FAM83G: variants seen among roughly 807,000 people sequenced by gnomAD.
FAM83G encodes the protein scaffolding CK1 anchoring protein G.
FAM83G carries 38 observed loss-of-function variants against 61.5 expected under a neutral mutation model. That is an observed-to-expected ratio of 0.62 (90% confidence interval 0.48 to 0.81). The LOEUF (loss-of-function observed/expected upper bound fraction) is 0.81. Ranked by LOEUF, FAM83G falls within the 30% of genes least tolerant of loss-of-function variation. The probability of loss-of-function intolerance (pLI) is 0.00; values close to 1 mark genes in which losing one functional copy is unlikely to be tolerated. For synonymous variants in FAM83G, 470 were observed against 476.1 expected (o/e 0.99, Z 0.17); for missense variants, 989 against 1,133.6 (o/e 0.87, Z 1.83).
At chr17:18,973,601 G>A (rs750222181) in intron 5 of FAM83G, among the ~76,000 whole-genome samples, 15 of 152,330 alleles carry the variant, frequency 9.8e-5, no homozygotes, top group Non-Finnish European at 1.8e-4. Context: ...GCACCTAGAG[G>A]TCTGACTCCA....
rs2152001307 is a variant in FAM83G, at chr17:18,970,918, C to T, written c.*441G>A. The T allele has an allele frequency of 8.4e-7, 1 of 1,191,106 alleles. No individual in the cohort carries two copies. Among genetic ancestry groups the T allele is most frequent in the East Asian group, 2.4e-5 (1 of 41,284 alleles). The allele number at this position is 1,191,106 out of a possible 1,614,324, so 73.8% of individuals were successfully genotyped here. The stretch of plus-strand genomic sequence containing the variant: ...TGGAAAAAACTCAAGTTTGATGCAT[C>T]AGGAAGTTTCTTGTGAGATGAAGGC... On this transcript the variant is annotated 3_prime_UTR_variant, in exon 6 of 6. Transcript: ENST00000388995.
chr17:18,979,714 C>A (rs1181470514), intron 3 of FAM83G, 41 bp from the exon 4 acceptor site: 1 of 1,609,570 alleles, frequency 6.2e-7, no homozygotes, highest in Non-Finnish European at 8.5e-7. Flanking sequence ...CGACTGCAAC[C>A]CTGACCACAC....
rs2042765767 is a variant in FAM83G at position 18,968,889 on chromosome 17, C to G, written c.*2470G>C. Reference sequence around the variant, plus strand: ...CTCCACGGCCAGGTCTTCCCCCAACCTCACAATGGCCCCGTGATGCAGGCA... The same window carrying G: ...CTCCACGGCCAGGTCTTCCCCCAACGTCACAATGGCCCCGTGATGCAGGCA... On this transcript the variant is annotated 3_prime_UTR_variant, in exon 6 of 6. Coordinates refer to ENST00000388995, the MANE Select transcript of FAM83G (RefSeq NM_001039999.3). The surrounding 1 kb of genome is among the most constrained non-coding windows in gnomAD (Gnocchi z 4.1). 1 of 626,378 alleles carries G rather than the reference C, an allele frequency of 1.6e-6. No homozygotes were observed. The highest frequency in any genetic ancestry group is 3.0e-5 in the Admixed American group (1 of 33,500). The allele number at this position is 626,378 out of a possible 1,614,324, so 38.8% of individuals were successfully genotyped here.
chr17:18,970,992 G>A lies in FAM83G; in HGVS notation c.*367C>T. 10 of 1,613,312 alleles carry A rather than the reference G, an allele frequency of 6.2e-6. No homozygotes were observed. Among genetic ancestry groups the A allele is most frequent in the Non-Finnish European group, 8.5e-6 (10 of 1,179,686 alleles). On this transcript the variant is annotated 3_prime_UTR_variant, in exon 6 of 6. Transcript: ENST00000388995. ...GCCCCGCAACCACCAAACTGTCCCTGTTCCACCCTGACCCCTCCAGCTTTT... is the reference window on the plus strand; with the variant it reads ...GCCCCGCAACCACCAAACTGTCCCTATTCCACCCTGACCCCTCCAGCTTTT...
rs549727935 is a variant in FAM83G at position 18,982,859 on chromosome 17, C to A, written c.691-3186G>T. Among the ~76,000 whole-genome samples, 6 of 152,362 alleles carry A rather than the reference C, an allele frequency of 3.9e-5. No individual in the cohort carries two copies. In the East Asian group the frequency reaches 7.7e-4, roughly 20 times the overall value. On this transcript the variant is annotated intron_variant, in intron 3 of 5. Transcript: ENST00000388995. ...AATCCTAGCACCAAATGGACGCCAA[C>A]CAAGGCCTTTCTTTCCACGCCTCAG...
chr17:18,984,439 C>T (rs897138779), intron 3 of FAM83G, among the ~76,000 whole-genome samples: 8 of 151,944 alleles, frequency 5.3e-5, no homozygotes, highest in Admixed American at 3.9e-4. Context: ...CCCCGGGGAA[C>T]GGGGGAACCT....
At position 18,978,661 on chromosome 17, in the gene FAM83G, C is replaced by T; in HGVS notation, c.1005G>A (p.Val335=). Residue 335 remains valine (V), a synonymous_variant, in exon 5 of 6, where the codon GTG becomes GTA. Transcript: ENST00000388995. ...GCTTCTTGGCCACAGTGCCCGCGGG[C>T]ACCAGGGGGACCACAGAGGGCAGCA... is the stretch of plus-strand genomic sequence containing the variant. The part of the protein sequence containing the change: ...PIVLPSVVPL[V]PAGTVAKKLV... 6.2e-7 allele frequency: 1 copy of T among 1,613,032 alleles called. No individual in the cohort carries two copies. Among genetic ancestry groups the T allele is most frequent in the Non-Finnish European group, 8.5e-7 (1 of 1,179,996 alleles).
Position 18,969,149 on chromosome 17 carries a change from C to A in FAM83G, c.*2210G>T, listed in dbSNP as rs747213031. ...ACGCTCGGCATCACAGCCCTGTACACCATCGCAGGTATGGTGCCTGCAGCA... is the reference window on the plus strand; with the variant it reads ...ACGCTCGGCATCACAGCCCTGTACAACATCGCAGGTATGGTGCCTGCAGCA... On this transcript the variant is annotated 3_prime_UTR_variant, in exon 6 of 6. Coordinates refer to ENST00000388995, the MANE Select transcript of FAM83G (RefSeq NM_001039999.3). The A allele has an allele frequency of 3.7e-6, 6 of 1,613,758 alleles. No individual in the cohort carries two copies. The African/African-American group carries it at 6.7e-5, about 18-fold the overall frequency.
Position 18,970,942 on chromosome 17 carries a change from G to T in FAM83G, c.*417C>A. 4.1e-6 allele frequency: 6 copies of T among 1,452,982 alleles called. No homozygotes were observed. Among genetic ancestry groups the T allele is most frequent in the South Asian group, 3.5e-5 (3 of 86,826 alleles). The allele number at this position is 1,452,982 out of a possible 1,614,324, so 90.0% of individuals were successfully genotyped here. On this transcript the variant is annotated 3_prime_UTR_variant, in exon 6 of 6. Coordinates refer to ENST00000388995, the MANE Select transcript of FAM83G (RefSeq NM_001039999.3). Reference sequence around the variant, plus strand: ...TCAGGAAGTTTCTTGTGAGATGAAGGCAGGGGGGAGCCCAGGGAGTCAGGG... The same window carrying T: ...TCAGGAAGTTTCTTGTGAGATGAAGTCAGGGGGGAGCCCAGGGAGTCAGGG...
At chr17:18,983,077 G>A (rs1171343218) in intron 3 of FAM83G, among the ~76,000 whole-genome samples, 2 of 152,236 alleles carry the variant, frequency 1.3e-5, no homozygotes, top group Non-Finnish European at 2.9e-5. Flanking sequence ...AGGAGGGATG[G>A]ACTGCCCAGG....
At chr17:18,984,338 A>AAG (rs1170887135) in intron 3 of FAM83G, among the ~76,000 whole-genome samples, 1 of 150,324 alleles carries the variant, frequency 6.7e-6, no homozygotes, top group African/African-American at 2.4e-5. Flanking sequence ...CTCTCAAAAA[A>AAG]AAAAAAAAAA....
At chr17:18,977,432 C>T (rs1023815166) in intron 5 of FAM83G, 152 bp downstream of exon 5, 2 of 787,156 alleles carry the variant, frequency 2.5e-6, no homozygotes, top group South Asian at 1.8e-5. Context: ...CGGTTCCCAC[C>T]CCTGCCTGTT....
intron 5 of FAM83G, chr17:18,976,967 G>A: frequency 6.2e-7 from 1 of 1,612,954 alleles, no homozygotes; most frequent in Non-Finnish European, 8.5e-7. Context: ...TGCCGGGCAT[G>A]ATCAGCCGCG....
At chr17:18,974,637 G>C (rs1451986064) in intron 5 of FAM83G, among the ~76,000 whole-genome samples, 1 of 152,190 alleles carries the variant, frequency 6.6e-6, no homozygotes, top group East Asian at 1.9e-4. Context: ...GACTCCAATG[G>C]CCACACCCCA....
At chr17:18,973,200 C>G (rs2152003910) in intron 5 of FAM83G, among the ~76,000 whole-genome samples, 1 of 152,362 alleles carries the variant, frequency 6.6e-6, no homozygotes, top group Admixed American at 6.5e-5. Flanking sequence ...CCACCTCCCA[C>G]CTCCTCCCAA....
In FAM83G at chr17:19,003,633, C is replaced by G; in HGVS notation, c.409G>C (p.Asp137His). The part of the protein sequence containing the change: ...SIPQLDLGWP[D>H]TIAYRGVTRA... ...GTCACGCCGCGGTAGGCGATGGTGT[C>G]GGGCCAGCCCAGGTCCAGCTGCGGG... is the stretch of plus-strand genomic sequence containing the variant. Residue 137 changes from aspartate (D) to histidine (H), a missense_variant, in exon 2 of 6, where the codon GAC (aspartate) becomes CAC (histidine). Physicochemically the swap from Asp to His is moderately conservative, Grantham distance 81. This residue lies in a region of FAM83G where 371 missense variants were observed against 404.5 expected (regional missense o/e 0.92). Transcript: ENST00000388995. The surrounding 1 kb of genome is among the most constrained non-coding windows in gnomAD (Gnocchi z 4.5). The G allele has an allele frequency of 6.2e-7, 1 of 1,612,236 alleles. No individual in the cohort carries two copies. Among genetic ancestry groups the G allele is most frequent in the Non-Finnish European group, 8.5e-7 (1 of 1,179,502 alleles).
rs994987012 is a variant in FAM83G, at chr17:18,971,522, A to G, written c.2309T>C (p.Met770Thr). 2 of 1,613,968 alleles carry G rather than the reference A, an allele frequency of 1.2e-6. No homozygotes were observed. Among genetic ancestry groups the G allele is most frequent in the Non-Finnish European group, 1.7e-6 (2 of 1,180,012 alleles). ...CTCCTCGGTGGCCCTGCCATCGGTCATGGGGCGGGCATTTTGGGCCAGTCT... is the reference window on the plus strand; with the variant it reads ...CTCCTCGGTGGCCCTGCCATCGGTCGTGGGGCGGGCATTTTGGGCCAGTCT... ...SPRLAQNARP[M>T]TDGRATEEHP... Residue 770 changes from methionine (M) to threonine (T), a missense_variant, in exon 6 of 6, where the codon ATG (methionine) becomes ACG (threonine). By Grantham distance (81) the Met-to-Thr change is moderately conservative. Transcript: ENST00000388995. The surrounding 1 kb of genome is among the most constrained non-coding windows in gnomAD (Gnocchi z 5.5).
chr17:19,003,892 G>A lies in FAM83G; in HGVS notation c.150C>T (p.Leu50=), dbSNP rs988393292. 6.2e-7 allele frequency: 1 copy of A among 1,612,908 alleles called. No homozygotes were observed. Among genetic ancestry groups the A allele is most frequent in the Non-Finnish European group, 8.5e-7 (1 of 1,179,940 alleles). The change falls in exon 2 of 6, where the codon CTC becomes CTT. Residue 50 remains leucine, a synonymous_variant. Transcript: ENST00000388995. This position sits in a 1 kb window ranked among gnomAD's most constrained non-coding sequence, Gnocchi z 4.5. The part of the protein sequence containing the change: ...ARGRDAFYEV[L]KRENIRDFLS... ...GGAAGTCTCGGATGTTCTCCCGCTTGAGCACCTCGTAGAAGGCGTCCCGGC... is the reference window on the plus strand; with the variant it reads ...GGAAGTCTCGGATGTTCTCCCGCTTAAGCACCTCGTAGAAGGCGTCCCGGC...
intron 2 of FAM83G, among the ~76,000 whole-genome samples, chr17:18,988,904 G>A (rs1193165307): frequency 6.6e-6 from 1 of 152,202 alleles, no homozygotes; most frequent in African/African-American, 2.4e-5. Flanking sequence ...CAGTGGTCAG[G>A]GCCTTCCCCC....
Sources: gnomAD v4.1 joint callset for allele counts (sites outside exome capture counted in the v4.1 genomes callset) on GRCh38, gnomAD v4.1.1 for gene constraint, gnomAD v4.1.1 regional missense constraint, Gnocchi (gnomAD v3.1) non-coding constraint, MANE v1.5 for transcripts, NCBI Gene and HGNC (gene_info 2026-07-23, HGNC 2026-07-21) for gene names.